The following VPS13C variants were observed in gnomAD, a reference collection of about 807,000 sequenced individuals.
VPS13C encodes vacuolar protein sorting 13 homolog C, also known as intermembrane lipid transfer protein VPS13C.
In VPS13C, 358 loss-of-function variants were observed where a neutral mutation model predicts 456.8. The observed-to-expected ratio is 0.78, with a 90% confidence interval of 0.72 to 0.86. The LOEUF is 0.86. VPS13C is among the 40% of genes least tolerant of loss of function. The pLI is 0.00. For missense variants in VPS13C, 4,818 were observed against 4,385.4 expected (o/e 1.10, Z -2.79); for synonymous variants, 1,578 against 1,486.7 (o/e 1.06, Z -1.41).
intron 37 of VPS13C, 73 bp from the exon 38 acceptor site, chr15:61,954,627 T>C: frequency 7.0e-7 from 1 of 1,437,668 alleles, no homozygotes; most frequent in African/African-American, 1.4e-5. Context: ...TGGACTTATA[T>C]GAGTATTCTG....
In VPS13C at chr15:61,950,344, T is replaced by C; in HGVS notation, c.4596+14A>G. On this transcript the variant is annotated intron_variant, in intron 41 of 84. Transcript: ENST00000644861. ...AACACAACCCAACCTTATAGCAAAT[T>C]ATAAAAGTTTTACCTTCAGTCTCTG... is the stretch of plus-strand genomic sequence containing the variant. 1 of 1,601,322 alleles carries C rather than the reference T, an allele frequency of 6.2e-7. No homozygotes were observed. Among genetic ancestry groups the C allele is most frequent in the Non-Finnish European group, 8.6e-7 (1 of 1,169,246 alleles).
chr15:61,932,034 A>C (rs1444771290), intron 49 of VPS13C, among the ~76,000 whole-genome samples: 1 of 152,224 alleles, frequency 6.6e-6, no homozygotes, highest in African/African-American at 2.4e-5. Flanking sequence ...AAGGAACATC[A>C]CAAGAAGATG....
At chr15:62,031,902 A>G (rs528032609) in intron 5 of VPS13C, among the ~76,000 whole-genome samples, 2 of 152,042 alleles carry the variant, frequency 1.3e-5, no homozygotes, top group South Asian at 4.1e-4. Context: ...TTAAACTGTC[A>G]ATCACGAAAA....
intron 15 of VPS13C, among the ~76,000 whole-genome samples, chr15:62,002,265 G>A (rs1271274264): frequency 6.6e-6 from 1 of 152,120 alleles, no homozygotes; most frequent in Non-Finnish European, 1.5e-5. Context: ...TTCTCTGATG[G>A]CCAGTGATGG....
In VPS13C at chr15:62,000,634, A is replaced by G; in HGVS notation, c.1291-8T>C. 6.3e-7 allele frequency: 1 copy of G among 1,590,300 alleles called. No homozygotes were observed. Among genetic ancestry groups the G allele is most frequent in the Non-Finnish European group, 8.5e-7 (1 of 1,173,518 alleles). On this transcript the variant is annotated splice_polypyrimidine_tract_variant and splice_region_variant and intron_variant, in intron 15 of 84. Coordinates refer to ENST00000644861, the MANE Select transcript of VPS13C (RefSeq NM_020821.3). Reference sequence around the variant, plus strand: ...TAGAGTCTTCTCCAAGTCCTGTAAAAAACAGAGGCACTTATAAACAAGAAA... The same window carrying G: ...TAGAGTCTTCTCCAAGTCCTGTAAAGAACAGAGGCACTTATAAACAAGAAA...
At chr15:62,051,768 G>A (rs1351518802) in intron 1 of VPS13C, among the ~76,000 whole-genome samples, 2 of 152,144 alleles carry the variant, frequency 1.3e-5, no homozygotes, top group Non-Finnish European at 2.9e-5. Flanking sequence ...AGTCAAGGGG[G>A]TTATGTTCAG....
Position 61,962,421 on chromosome 15 carries a change from C to G in VPS13C, c.3553G>C (p.Val1185Leu). The change falls in exon 34 of 85, where the codon GTT becomes CTT. Residue 1185 changes from valine to leucine, a missense_variant. Around this residue, in one of 3 missense-constraint regions of VPS13C, gnomAD observed 4,552 missense variants for 4,130.6 expected, o/e 1.10. Transcript: ENST00000644861. ...SKVDGVLSLN[V>L]GCIQIVYLHK... ...AGATAGACAATCTGAATACAGCCAA[C>G]ATTCAGAGACAGCACACCATCCACT... 1 of 1,607,718 alleles carries G rather than the reference C, an allele frequency of 6.2e-7. No homozygotes were observed. The highest frequency in any genetic ancestry group is 1.7e-5 in the Admixed American group (1 of 59,828).
intron 1 of VPS13C, among the ~76,000 whole-genome samples, chr15:62,055,533 G>T (rs2048761041): frequency 6.6e-6 from 1 of 151,488 alleles, no homozygotes; most frequent in South Asian, 2.1e-4. Context: ...GAGCCACGGT[G>T]CCTGGCCTCT....
At chr15:62,032,680 T>C (rs2047858246) in intron 5 of VPS13C, among the ~76,000 whole-genome samples, 1 of 151,750 alleles carries the variant, frequency 6.6e-6, no homozygotes. Context: ...ATTTGCTTTA[T>C]CTTTTGAGAG....
intron 1 of VPS13C, among the ~76,000 whole-genome samples, chr15:62,053,117 G>C (rs1348757178): frequency 6.6e-6 from 1 of 152,146 alleles, no homozygotes; most frequent in African/African-American, 2.4e-5. Flanking sequence ...TAGTAACTGA[G>C]CCTAAATATG....
chr15:61,894,610 T>C (rs546975070), intron 66 of VPS13C, among the ~76,000 whole-genome samples: 3 of 150,494 alleles, frequency 2.0e-5, no homozygotes, highest in Non-Finnish European at 4.4e-5. Context: ...TCAAATAAAA[T>C]AGATTTCAAG....
At position 62,060,307 on chromosome 15, in the gene VPS13C, T is replaced by C; in HGVS notation, c.68A>G (p.Asn23Ser). Residue 23 changes from asparagine (N) to serine (S), a missense_variant, in exon 1 of 85, where the codon AAC becomes AGC. By Grantham distance (46) the Asn-to-Ser change is conservative. Transcript: ENST00000644861. ...GATGCCCAGCTTCAGCTGGGACTTG[T>C]TCAGGTTCTCCACATAGTCCCCCAG... ...RFLGDYVENL[N>S]KSQLKLGIWG... 4 of 1,607,598 alleles carry C rather than the reference T, an allele frequency of 2.5e-6. No homozygotes were observed. Among genetic ancestry groups the C allele is most frequent in the Non-Finnish European group, 3.4e-6 (4 of 1,177,508 alleles).
chr15:62,012,225 C>T (rs1596474672), intron 11 of VPS13C, 61 bp from the exon 12 acceptor site: 1 of 173,218 alleles, frequency 5.8e-6, no homozygotes. Flanking sequence ...GACTCAGACA[C>T]ACACACACAC....
intron 53 of VPS13C, among the ~76,000 whole-genome samples, chr15:61,923,144 C>G (rs190018688): frequency 6.6e-5 from 10 of 150,998 alleles, no homozygotes; most frequent in African/African-American, 2.2e-4. Flanking sequence ...GCTACATTAA[C>G]TAAGCCAAAG....
intron 46 of VPS13C, among the ~76,000 whole-genome samples, chr15:61,941,423 G>A (rs1004616524): frequency 2.0e-4 from 30 of 152,000 alleles, no homozygotes; most frequent in African/African-American, 5.8e-4. Context: ...TATATATTAC[G>A]AAGTTTTTTC....
intron 18 of VPS13C, 60 bp from the exon 19 acceptor site, chr15:61,985,059 T>C (rs1297243675): frequency 4.0e-6 from 5 of 1,235,424 alleles, no homozygotes; most frequent in Non-Finnish European, 5.3e-6. Context: ...CTTTCTTTAA[T>C]AATTTCTTAT....
At chr15:61,929,976 A>G (rs575585804) in intron 50 of VPS13C, among the ~76,000 whole-genome samples, 3 of 152,316 alleles carry the variant, frequency 2.0e-5, no homozygotes, top group East Asian at 3.9e-4. Flanking sequence ...TATACTTACA[A>G]TGCAATTCTA....
At chr15:62,043,914 C>A (rs1041563866) in intron 2 of VPS13C, among the ~76,000 whole-genome samples, 1 of 152,034 alleles carries the variant, frequency 6.6e-6, no homozygotes, top group Non-Finnish European at 1.5e-5. Flanking sequence ...CTCAAAAATA[C>A]GTAAAGACAC....
intron 49 of VPS13C, among the ~76,000 whole-genome samples, chr15:61,933,712 G>C (rs1477314152): frequency 6.6e-6 from 1 of 151,972 alleles, no homozygotes; most frequent in Non-Finnish European, 1.5e-5. Flanking sequence ...CATGGCATAA[G>C]ACCTTGGCTC....
Sources: gnomAD v4.1 joint callset for allele counts (sites outside exome capture counted in the v4.1 genomes callset) on GRCh38, gnomAD v4.1.1 for gene constraint, gnomAD v4.1.1 regional missense constraint, MANE v1.5 for transcripts, NCBI Gene and HGNC (gene_info 2026-07-23, HGNC 2026-07-21) for gene names.